The following EXOC3L4 variants were observed in gnomAD, a reference collection of about 807,000 sequenced individuals.
EXOC3L4 encodes exocyst complex component 3-like protein 4.
In EXOC3L4, 62 loss-of-function variants were observed where a neutral mutation model predicts 69.7. That is an observed-to-expected ratio of 0.89 (90% confidence interval 0.72 to 1.10). The LOEUF (loss-of-function observed/expected upper bound fraction) is 1.10, where lower values mean the gene tolerates loss of function less well. Among genes scored for constraint, EXOC3L4 ranks in the 50% least tolerant of loss-of-function variants. The pLI is 0.00. For synonymous variants in EXOC3L4, 502 were observed against 464.2 expected (o/e 1.08, Z -1.05); for missense variants, 1,087 against 1,034.8 (o/e 1.05, Z -0.69).
At position 103,108,512 on chromosome 14, in the gene EXOC3L4, C is replaced by G. The variant is rs766402144; in HGVS notation, c.1971C>G (p.Asp657Glu). The G allele has an allele frequency of 1.2e-6, 2 of 1,613,166 alleles. No individual in the cohort carries two copies. Among genetic ancestry groups the G allele is most frequent in the Non-Finnish European group, 1.7e-6 (2 of 1,179,490 alleles). Residue 657 changes from aspartate to glutamate, a missense_variant, in exon 11 of 12, where the codon GAC (aspartate) becomes GAG (glutamate). Transcript: ENST00000688303. The part of the protein sequence containing the change: ...HLETLIRSYP[D>E]IRRDHILAIL... Reference sequence around the variant, plus strand: ...AGACTCTTATCCGGAGCTACCCCGACATCAGGTGTGTACCCCACCTGCTTC... The same window carrying G: ...AGACTCTTATCCGGAGCTACCCCGAGATCAGGTGTGTACCCCACCTGCTTC...
chr14:103,105,859 A>G (rs540847123), intron 7 of EXOC3L4, among the ~76,000 whole-genome samples: 1 of 152,306 alleles, frequency 6.6e-6, no homozygotes, highest in Non-Finnish European at 1.5e-5. Flanking sequence ...TAGTGTCCCG[A>G]AGTACTTCTC....
chr14:103,097,442 C>T lies in EXOC3L4; in HGVS notation c.-17+2602C>T, dbSNP rs1470590155. Among the ~76,000 whole-genome samples, 10 of 152,128 alleles carry T rather than the reference C, an allele frequency of 6.6e-5. No homozygotes were observed. Among genetic ancestry groups the T allele is most frequent in the African/African-American group, 2.4e-5 (1 of 41,402 alleles). On this transcript the variant is annotated intron_variant, in intron 1 of 11. Transcript: ENST00000688303. The surrounding 1 kb of genome is among the most constrained non-coding windows in gnomAD (Gnocchi z 4.9). ...CCATGGGGGTGTGGGGAGGCAGGCACAGGGACAGGCCAGGCGAGAGCCTTG... is the reference window on the plus strand; with the variant it reads ...CCATGGGGGTGTGGGGAGGCAGGCATAGGGACAGGCCAGGCGAGAGCCTTG...
intron 1 of EXOC3L4, among the ~76,000 whole-genome samples, chr14:103,095,667 A>G (rs527394193): frequency 1.3e-5 from 2 of 152,348 alleles, no homozygotes; most frequent in East Asian, 1.9e-4. Flanking sequence ...TTCCGAGGGC[A>G]GCAGCGGCTC....
rs774566272 is a variant in EXOC3L4, at chr14:103,107,718, C to T, written c.1789C>T (p.Arg597Cys). 1.7e-5 allele frequency: 26 copies of T among 1,551,290 alleles called. No homozygotes were observed. Among genetic ancestry groups the T allele is most frequent in the Middle Eastern group, 1.7e-4 (1 of 5,982 alleles). ...ACGGGAGCGGTTCCGGGGCATGGAG[C>T]GCATGCATGGCTCCCAGAAGATGAG... Reference protein sequence around the residue: ...RPRERFRGMERMHGSQKMSLD... With the variant: ...RPRERFRGMECMHGSQKMSLD... Residue 597 changes from arginine to cysteine, a missense_variant, in exon 10 of 12, where the codon CGC becomes TGC. By Grantham distance (180) the Arg-to-Cys change is radical. Coordinates refer to ENST00000688303, the MANE Select transcript of EXOC3L4 (RefSeq NM_001077594.2).
At chr14:103,101,300 G>C (rs1041573521) in intron 2 of EXOC3L4, among the ~76,000 whole-genome samples, 7 of 151,978 alleles carry the variant, frequency 4.6e-5, no homozygotes, top group Admixed American at 4.6e-4. Context: ...CAATCCTCCT[G>C]CCTTGGCTTC....
chr14:103,098,301 G>T (rs1889989268), intron 1 of EXOC3L4, among the ~76,000 whole-genome samples: 1 of 152,114 alleles, frequency 6.6e-6, no homozygotes, highest in African/African-American at 2.4e-5. Context: ...CTCTCCGCCG[G>T]GAGGGGAGCT....
chr14:103,096,400 T>G (rs1441135394), intron 1 of EXOC3L4, among the ~76,000 whole-genome samples: 1 of 135,368 alleles, frequency 7.4e-6, no homozygotes, highest in African/African-American at 2.9e-5. Context: ...TTGGCAAGAT[T>G]CTTTTTTTTT....
chr14:103,102,394 C>G lies in EXOC3L4; in HGVS notation c.671C>G (p.Ala224Gly). ...LARVVSAEEE[A>G]HPSPPDDGDF... Reference sequence around the variant, plus strand: ...CGCGTGGTGAGCGCGGAGGAGGAAGCCCACCCTTCTCCCCCCGACGACGGC... The same window carrying G: ...CGCGTGGTGAGCGCGGAGGAGGAAGGCCACCCTTCTCCCCCCGACGACGGC... Residue 224 changes from alanine to glycine, a missense_variant, in exon 3 of 12, where the codon GCC (alanine) becomes GGC (glycine). Ala to Gly is a moderately conservative substitution (Grantham distance 60, BLOSUM62 0). Transcript: ENST00000688303. The G allele has an allele frequency of 6.5e-7, 1 of 1,546,922 alleles. No individual in the cohort carries two copies. Among genetic ancestry groups the G allele is most frequent in the South Asian group, 1.2e-5 (1 of 85,224 alleles).
chr14:103,099,457 TG>T (rs1260386303), intron 1 of EXOC3L4, among the ~76,000 whole-genome samples: 2 of 150,316 alleles, frequency 1.3e-5, no homozygotes, highest in African/African-American at 4.9e-5. Context: ...GGGAGAGGAG[TG>T]GGGGGAGGAG....
chr14:103,095,357 T>C (rs1889845648), intron 1 of EXOC3L4, among the ~76,000 whole-genome samples: 1 of 152,236 alleles, frequency 6.6e-6, no homozygotes, highest in African/African-American at 2.4e-5. Context: ...CCCTCCGTCA[T>C]GGCAGGTGTG....
rs199913975 is a variant in EXOC3L4 at position 103,109,161 on chromosome 14, CCA to C, written c.1976+646_1976+647del. ...GCATCACCCCCTCCCTCCCTCTCCA[CCA>C]CCTGTCCCCCGGTCTCCCTCTCTCC... On this transcript the variant is annotated intron_variant, in intron 11 of 11. Coordinates refer to ENST00000688303, the MANE Select transcript of EXOC3L4 (RefSeq NM_001077594.2). 7.9e-5 allele frequency among the ~76,000 whole-genome samples: 11 copies of C among 138,674 alleles called. No individual in the cohort carries two copies. The South Asian group carries it at 9.7e-4, about 12-fold the overall frequency. 91.0% of individuals were successfully genotyped at this position (138,674 alleles called of 152,430 possible).
Position 103,103,973 on chromosome 14 carries a change from T to G in EXOC3L4, c.1082T>G (p.Leu361Arg), listed in dbSNP as rs1377867464. 1.3e-6 allele frequency: 2 copies of G among 1,550,214 alleles called. No homozygotes were observed. The highest frequency in any genetic ancestry group is 2.4e-5 in the South Asian group (2 of 85,074). ...PDFLGAPGLA[L>R]PAEPLPPLLA... is the part of the protein sequence containing the mutation. ...TTCCTGGGCGCCCCGGGGCTGGCGC[T>G]GCCCGCCGAGCCGCTGCCTCCGCTC... is the stretch of plus-strand genomic sequence containing the variant. The change falls in exon 4 of 12, where the codon CTG becomes CGG. Residue 361 changes from leucine (L) to arginine (R), a missense_variant. By Grantham distance (102) the Leu-to-Arg change is moderately radical. Transcript: ENST00000688303.
Position 103,108,277 on chromosome 14 carries a change from G to T in EXOC3L4, c.1855-119G>T, listed in dbSNP as rs1890691577. On this transcript the variant is annotated intron_variant, in intron 10 of 11. Transcript: ENST00000688303. ...GGCAGTCCCGGCACCGAGCCAGAGT[G>T]ACTACAGGAGGGCTGACGCTGCGGG... 3.5e-6 allele frequency: 5 copies of T among 1,441,372 alleles called. No individual in the cohort carries two copies. The Admixed American group carries it at 1.0e-4, about 30-fold the overall frequency. 89.3% of individuals were successfully genotyped at this position (1,441,372 alleles called of 1,614,324 possible).
At chr14:103,100,065 G>T (rs976218855) in intron 1 of EXOC3L4, 139 bp from the exon 2 acceptor site, 2 of 924,526 alleles carry the variant, frequency 2.2e-6, no homozygotes, top group Non-Finnish European at 3.1e-6. Context: ...GAGTGGCCTG[G>T]TGATGCTTCC....
intron 11 of EXOC3L4, 104 bp from the exon 12 acceptor site, chr14:103,109,927 A>T: frequency 1.6e-6 from 2 of 1,222,882 alleles, no homozygotes; most frequent in Non-Finnish European, 2.2e-6. Flanking sequence ...CCTGGAATGC[A>T]GAGTGACTCA....
At chr14:103,100,150 G>A in intron 1 of EXOC3L4, 54 bp from the exon 2 acceptor site, 1 of 1,460,434 alleles carries the variant, frequency 6.8e-7, no homozygotes, top group Non-Finnish European at 9.1e-7. Context: ...AGGCCCCACA[G>A]GGCCACAACA....
chr14:103,103,633 T>A (rs1385817091), intron 3 of EXOC3L4: 8 of 349,598 alleles, frequency 2.3e-5, no homozygotes, highest in Admixed American at 4.8e-5. Flanking sequence ...GCTGTGGGCC[T>A]CCGTGCTGCG....
chr14:103,101,143 C>A (rs951151585), intron 2 of EXOC3L4, among the ~76,000 whole-genome samples: 1 of 152,062 alleles, frequency 6.6e-6, no homozygotes, highest in Non-Finnish European at 1.5e-5. Flanking sequence ...CCTGACCTCG[C>A]GATCCGCCCC....
chr14:103,103,490 G>A (rs1890339420), intron 3 of EXOC3L4: 1 of 162,272 alleles, frequency 6.2e-6, no homozygotes, highest in South Asian at 1.7e-4. Flanking sequence ...GGATGAGGAT[G>A]GATTGCCTTC....
Sources: allele counts gnomAD v4.1 joint callset (sites outside exome capture counted in the v4.1 genomes callset), GRCh38; gene constraint gnomAD v4.1.1; non-coding constraint Gnocchi (gnomAD v3.1); transcripts MANE v1.5; gene names NCBI Gene and HGNC (gene_info 2026-07-23, HGNC 2026-07-21).